PDE11A: variants seen among roughly 807,000 people sequenced by gnomAD.
PDE11A encodes the protein dual 3',5'-cyclic-AMP and -GMP phosphodiesterase 11A.
Under a neutral mutation model 100.5 loss-of-function variants are expected in PDE11A, and 100 were observed. That is an observed-to-expected ratio of 1.00 (90% CI 0.85 to 1.18). The LOEUF (loss-of-function observed/expected upper bound fraction) is 1.18, where lower values mean the gene tolerates loss of function less well. PDE11A is among the 50% of genes most tolerant of loss of function. The pLI is 0.00. For missense variants in PDE11A, 1,141 were observed against 1,152.6 expected, an observed-to-expected ratio of 0.99 and a Z score of 0.15; for synonymous variants, 381 against 420.8, an observed-to-expected ratio of 0.91 and a Z score of 1.16.
chr2:178,052,528 G>A (rs1199157695), intron 1 of PDE11A, among the ~76,000 whole-genome samples: 1 of 152,024 alleles, frequency 6.6e-6, no homozygotes, highest in Non-Finnish European at 1.5e-5. Flanking sequence ...CAGAACTGAA[G>A]GAGATAGAGA....
At chr2:177,945,700 C>T (rs1404931310) in intron 2 of PDE11A, among the ~76,000 whole-genome samples, 5 of 152,010 alleles carry the variant, frequency 3.3e-5, no homozygotes, top group Admixed American at 2.6e-4. Context: ...CGTCTCCGCC[C>T]GGCAGCCACC....
rs193096129 is a variant in PDE11A at position 177,655,088 on chromosome 2, A to G, written c.2646+8778T>C. On this transcript the variant is annotated intron_variant, in intron 19 of 19. Transcript: ENST00000286063. ...AGCTGGATAAGAAGAATTTAAGATA[A>G]GAATTAAGATCTTATCTTAAATCTG... is the stretch of plus-strand genomic sequence containing the variant. Among the ~76,000 whole-genome samples the G allele has an allele frequency of 4.9e-3, 741 of 152,292 alleles. 5 individuals carry two copies. Among genetic ancestry groups the G allele is most frequent in the East Asian group, 0.029 (153 of 5,190 alleles).
chr2:178,040,010 A>G (rs1312762172), intron 1 of PDE11A, among the ~76,000 whole-genome samples: 1 of 150,332 alleles, frequency 6.7e-6, no homozygotes, highest in Non-Finnish European at 1.5e-5. Flanking sequence ...TGGTGACAAG[A>G]GGAAGGATAA....
Position 177,628,985 on chromosome 2 carries a change from A to G in PDE11A, c.*422T>C, listed in dbSNP as rs6705405. 149,638 of 213,820 alleles carry G rather than the reference A, an allele frequency of 0.7. 56,592 individuals are homozygous for G. Among genetic ancestry groups the G allele is most frequent in the East Asian group, 0.87 (7,475 of 8,612 alleles). The allele number at this position is 213,820 out of a possible 1,614,324, so 13.2% of individuals were successfully genotyped here. On this transcript the variant is annotated 3_prime_UTR_variant, in exon 20 of 20. Coordinates refer to ENST00000286063, the MANE Select transcript of PDE11A (RefSeq NM_016953.4). Reference sequence around the variant, plus strand: ...CTGGCACAAAAAGGCATTCAGGGACAGGAAGCAAAGACAGGCAGTGTTTGG... The same window carrying G: ...CTGGCACAAAAAGGCATTCAGGGACGGGAAGCAAAGACAGGCAGTGTTTGG...
chr2:177,763,661 C>T (rs1180670166), intron 10 of PDE11A, among the ~76,000 whole-genome samples: 1 of 152,108 alleles, frequency 6.6e-6, no homozygotes, highest in Non-Finnish European at 1.5e-5. Context: ...TCAGGTCTAC[C>T]CCTCTTCCTC....
intron 1 of PDE11A, among the ~76,000 whole-genome samples, chr2:178,017,308 A>C (rs1367023454): frequency 6.6e-6 from 1 of 152,236 alleles, no homozygotes; most frequent in African/African-American, 2.4e-5. Context: ...AAGCCATTTG[A>C]ATGTTGATCA....
chr2:178,063,043 A>T (rs1038741053), intron 1 of PDE11A, among the ~76,000 whole-genome samples: 4 of 152,206 alleles, frequency 2.6e-5, no homozygotes, highest in African/African-American at 7.2e-5. Flanking sequence ...CATCATTTTT[A>T]AAAATTTTTA....
At chr2:177,689,117 T>C (rs755257774) in intron 15 of PDE11A, among the ~76,000 whole-genome samples, 1 of 152,138 alleles carries the variant, frequency 6.6e-6, no homozygotes, top group Non-Finnish European at 1.5e-5. Flanking sequence ...AGTTTCACTC[T>C]TGTTGCCCAG....
rs2079871273 is a variant in PDE11A at position 177,628,680 on chromosome 2, T to A, written c.*727A>T. ...CCTTACTTTAATCAAAATCTATCAA[T>A]CCATTCCTTCTGGGAGAAAACTTTG... On this transcript the variant is annotated 3_prime_UTR_variant, in exon 20 of 20. Coordinates refer to ENST00000286063, the MANE Select transcript of PDE11A (RefSeq NM_016953.4). The A allele has an allele frequency of 6.6e-6, 1 of 152,404 alleles. No homozygotes were observed. The highest frequency in any genetic ancestry group is 1.5e-5 in the Non-Finnish European group (1 of 68,264). The allele number at this position is 152,404 out of a possible 1,614,324, so 9.4% of individuals were successfully genotyped here. A position where few individuals can be genotyped will look rare whatever the true frequency, so the allele number is the denominator to read the frequency against.
At chr2:177,900,817 A>G (rs541446710) in intron 3 of PDE11A, among the ~76,000 whole-genome samples, 1 of 152,314 alleles carries the variant, frequency 6.6e-6, no homozygotes, top group African/African-American at 2.4e-5. Context: ...AATCCATGAA[A>G]TGAGTCCAGT....
intron 10 of PDE11A, among the ~76,000 whole-genome samples, chr2:177,762,117 T>C (rs910027465): frequency 6.6e-6 from 1 of 151,944 alleles, no homozygotes; most frequent in Non-Finnish European, 1.5e-5. Flanking sequence ...GAGCAGGAGA[T>C]GTTTGGAAGG....
chr2:177,785,829 G>C (rs1289588177), intron 9 of PDE11A, among the ~76,000 whole-genome samples: 1 of 152,166 alleles, frequency 6.6e-6, no homozygotes, highest in Non-Finnish European at 1.5e-5. Flanking sequence ...CAGCGAGGCT[G>C]GGGGAGGGGC....
intron 1 of PDE11A, among the ~76,000 whole-genome samples, chr2:178,017,392 C>A (rs1405274242): frequency 6.6e-6 from 1 of 152,208 alleles, no homozygotes; most frequent in African/African-American, 2.4e-5. Flanking sequence ...ATTAGAGCTA[C>A]CTGTATCAAC....
intron 19 of PDE11A, among the ~76,000 whole-genome samples, chr2:177,657,492 G>A (rs113895666): frequency 0.014 from 2,057 of 152,270 alleles, 29 homozygotes; most frequent in Middle Eastern, 0.024. Flanking sequence ...TCTCTATTAA[G>A]AACCAAACCT....
chr2:177,628,245 A>G lies in PDE11A; in HGVS notation c.*1162T>C, dbSNP rs2079864861. On this transcript the variant is annotated 3_prime_UTR_variant, in exon 20 of 20. Transcript: ENST00000286063. ...CAATCCAGTCAATAATGCCAAAGCT[A>G]AGGATAGAAATCTATCTTCTAGCCC... 6.5e-6 allele frequency: 1 copy of G among 152,696 alleles called. No individual in the cohort carries two copies. The highest frequency in any genetic ancestry group is 1.5e-5 in the Non-Finnish European group (1 of 68,048). The allele number at this position is 152,696 out of a possible 1,614,324, so 9.5% of individuals were successfully genotyped here. A position where few individuals can be genotyped will look rare whatever the true frequency, so the allele number is the denominator to read the frequency against.
At chr2:177,721,007 A>G (rs2081518015) in intron 12 of PDE11A, among the ~76,000 whole-genome samples, 1 of 152,182 alleles carries the variant, frequency 6.6e-6, no homozygotes, top group African/African-American at 2.4e-5. Flanking sequence ...GTACAATTAC[A>G]TATGTTGCGT....
intron 1 of PDE11A, among the ~76,000 whole-genome samples, chr2:178,035,343 G>A (rs2086599044): frequency 6.6e-6 from 1 of 152,120 alleles, no homozygotes; most frequent in Non-Finnish European, 1.5e-5. Flanking sequence ...TCAAATCCCT[G>A]AATAGACCAA....
chr2:178,066,456 G>A (rs1335561467), intron 1 of PDE11A, among the ~76,000 whole-genome samples: 3 of 152,182 alleles, frequency 2.0e-5, no homozygotes, highest in Admixed American at 1.3e-4. Context: ...ATGAGCCCCA[G>A]AGTCCAGAAC....
chr2:177,663,431 G>T (rs942285499), intron 19 of PDE11A, among the ~76,000 whole-genome samples: 3 of 148,480 alleles, frequency 2.0e-5, no homozygotes, highest in African/African-American at 7.5e-5. Flanking sequence ...TATTAATAAA[G>T]AAAATTTGTA....
Sources: gnomAD v4.1 joint callset for allele counts (sites outside exome capture counted in the v4.1 genomes callset) on GRCh38, gnomAD v4.1.1 for gene constraint, MANE v1.5 for transcripts, NCBI Gene and HGNC (gene_info 2026-07-23, HGNC 2026-07-21) for gene names.